DCDC2: variants seen among roughly 807,000 people sequenced by gnomAD.
DCDC2 encodes doublecortin domain-containing protein 2.
DCDC2 carries 40 observed loss-of-function variants against 50.2 expected under a neutral mutation model. The ratio of observed to expected loss-of-function variants is 0.80; its 90% CI spans 0.62 to 1.04. The LOEUF (loss-of-function observed/expected upper bound fraction) is 1.04. Ranked by LOEUF, DCDC2 falls within the 50% of genes least tolerant of loss-of-function variation. The pLI is 0.00. For synonymous variants in DCDC2, 234 were observed against 210.6 expected (o/e 1.11, Z -0.96); for missense variants, 570 against 581.9 (o/e 0.98, Z 0.21).
At chr6:24,219,351 C>A (rs980283839) in intron 7 of DCDC2, among the ~76,000 whole-genome samples, 4 of 152,052 alleles carry the variant, frequency 2.6e-5, no homozygotes, top group Non-Finnish European at 5.9e-5. Flanking sequence ...TAATTTAGTT[C>A]CCATAACAAC....
At chr6:24,248,536 A>G (rs1762733899) in intron 7 of DCDC2, among the ~76,000 whole-genome samples, 1 of 152,186 alleles carries the variant, frequency 6.6e-6, no homozygotes, top group Non-Finnish European at 1.5e-5. Context: ...TATCATTAGT[A>G]TCATTTTGTG....
intron 7 of DCDC2, among the ~76,000 whole-genome samples, chr6:24,265,562 T>TA (rs530053382): frequency 3.7e-4 from 56 of 152,266 alleles, no homozygotes; most frequent in African/African-American, 1.3e-3. Context: ...ACATATCAAG[T>TA]ATCTTCTCTG....
the DCDC2 span, among the ~76,000 whole-genome samples, chr6:24,368,675 T>C: frequency 1.0e-5 from 1 of 99,172 alleles, no homozygotes; most frequent in Admixed American, 1.4e-4. Context: ...TTTTAAGAAC[T>C]TGGCTCAGAC....
intron 2 of DCDC2, among the ~76,000 whole-genome samples, chr6:24,308,951 T>C (rs183519550): frequency 1.3e-5 from 2 of 152,130 alleles, no homozygotes; most frequent in African/African-American, 4.8e-5. Context: ...ACAAAGGAAG[T>C]TCTTCAAACA....
At chr6:24,337,484 T>C (rs1021760080) in intron 2 of DCDC2, among the ~76,000 whole-genome samples, 7 of 151,972 alleles carry the variant, frequency 4.6e-5, no homozygotes, top group Non-Finnish European at 1.0e-4. Context: ...TTGTGACTAA[T>C]GATGACTTGT....
intron 7 of DCDC2, among the ~76,000 whole-genome samples, chr6:24,272,851 T>C (rs1763265963): frequency 6.6e-6 from 1 of 152,138 alleles, no homozygotes; most frequent in South Asian, 2.1e-4. Flanking sequence ...TATCCAACAA[T>C]TTCATTACTG....
chr6:24,346,868 G>A (rs1760267271), intron 2 of DCDC2, among the ~76,000 whole-genome samples: 1 of 152,036 alleles, frequency 6.6e-6, no homozygotes, highest in Non-Finnish European at 1.5e-5. Context: ...GACACAAACT[G>A]TAAGAGAACA....
upstream of DCDC2, chr6:24,358,384 GGA>G (rs959502021): frequency 1.2e-5 from 2 of 162,546 alleles, no homozygotes; most frequent in African/African-American, 4.8e-5. Flanking sequence ...GGCCCAGGCG[GGA>G]GGGCTGCCTA....
At chr6:24,299,303 TA>T (rs1238536862) in intron 4 of DCDC2, among the ~76,000 whole-genome samples, 1 of 151,990 alleles carries the variant, frequency 6.6e-6, no homozygotes, top group Non-Finnish European at 1.5e-5. Context: ...CAGATGGACA[TA>T]AAAATAGGAA....
chr6:24,203,709 G>A (rs1761639354), intron 8 of DCDC2, among the ~76,000 whole-genome samples: 1 of 152,084 alleles, frequency 6.6e-6, no homozygotes, highest in Admixed American at 6.5e-5. Context: ...GCAACCTACA[G>A]AATGGGAGAA....
In DCDC2 at chr6:24,171,893, T is replaced by C. The variant is rs1329032621; in HGVS notation, c.*2837A>G. The C allele has an allele frequency of 6.6e-6, 1 of 152,230 alleles. No homozygotes were observed. Among genetic ancestry groups the C allele is most frequent in the Non-Finnish European group, 1.5e-5 (1 of 68,032 alleles). The allele number at this position is 152,230 out of a possible 1,614,324, so 9.4% of individuals were successfully genotyped here. On this transcript the variant is annotated 3_prime_UTR_variant, in exon 10 of 10. Coordinates refer to ENST00000378454, the MANE Select transcript of DCDC2 (RefSeq NM_016356.5). ...GTTTCATAAAACTATAAAAACTATG[T>C]ATATAGCATCACAAAGAATTAACAT...
intron 7 of DCDC2, among the ~76,000 whole-genome samples, chr6:24,219,066 T>G (rs2113772876): frequency 6.6e-6 from 1 of 152,250 alleles, no homozygotes; most frequent in Admixed American, 6.5e-5. Context: ...AACTATAATT[T>G]TTAAAATATT....
the DCDC2 span, among the ~76,000 whole-genome samples, chr6:24,372,754 C>T: frequency 2.8e-3 from 424 of 150,700 alleles, 2 homozygotes; most frequent in Middle Eastern, 0.014. Context: ...CATCACACAC[C>T]GGGGCCAGTC....
At chr6:24,199,866 T>TGGA in intron 8 of DCDC2, among the ~76,000 whole-genome samples, 1 of 152,084 alleles carries the variant, frequency 6.6e-6, no homozygotes, top group Non-Finnish European at 1.5e-5. Context: ...TCGTGAAACA[T>TGGA]ACGCAAGTAT....
intron 4 of DCDC2, among the ~76,000 whole-genome samples, chr6:24,296,362 A>T (rs1010761860): frequency 9.2e-5 from 14 of 152,192 alleles, no homozygotes; most frequent in African/African-American, 3.4e-4. Flanking sequence ...AAAACGCAAA[A>T]CTATAAAAGC....
intron 7 of DCDC2, among the ~76,000 whole-genome samples, chr6:24,223,942 G>A (rs1762170312): frequency 6.6e-6 from 1 of 152,210 alleles, no homozygotes; most frequent in African/African-American, 2.4e-5. Flanking sequence ...AAATAAAAGT[G>A]AAAGTTTCTA....
At chr6:24,312,125 C>A (rs1308196113) in intron 2 of DCDC2, among the ~76,000 whole-genome samples, 1 of 151,420 alleles carries the variant, frequency 6.6e-6, no homozygotes, top group Non-Finnish European at 1.5e-5. Context: ...ACCTTGTGAC[C>A]CCCACCCCCG....
At chr6:24,194,790 T>A (rs1761395365) in intron 8 of DCDC2, among the ~76,000 whole-genome samples, 1 of 152,186 alleles carries the variant, frequency 6.6e-6, no homozygotes, top group African/African-American at 2.4e-5. Flanking sequence ...GGAACATGCA[T>A]ACACAAAACA....
intron 2 of DCDC2, among the ~76,000 whole-genome samples, chr6:24,322,387 A>C (rs558067718): frequency 6.6e-6 from 1 of 152,048 alleles, no homozygotes; most frequent in African/African-American, 2.4e-5. Flanking sequence ...AAAATGTTTT[A>C]CCCTAAAATA....
Sources: allele counts gnomAD v4.1 joint callset (sites outside exome capture counted in the v4.1 genomes callset), GRCh38; gene constraint gnomAD v4.1.1; transcripts MANE v1.5; gene names NCBI Gene and HGNC (gene_info 2026-07-23, HGNC 2026-07-21).